ZNF536: variants seen among roughly 807,000 people sequenced by gnomAD.
ZNF536 encodes the protein zinc finger protein 536.
In ZNF536, 13 loss-of-function variants were observed where a neutral mutation model predicts 84.5. That is an observed-to-expected ratio of 0.15 (90% CI 0.10 to 0.24). The LOEUF (loss-of-function observed/expected upper bound fraction) is 0.24. Ranked by LOEUF, ZNF536 falls within the 10% of genes least tolerant of loss-of-function variation. The probability of loss-of-function intolerance (pLI) is 1.00; values close to 1 mark genes in which losing one functional copy is unlikely to be tolerated. For synonymous variants in ZNF536, 811 were observed against 742.5 expected (o/e 1.09, Z -1.50); for missense variants, 1,536 against 1,747.5 (o/e 0.88, Z 2.16).
intron 1 of ZNF536, among the ~76,000 whole-genome samples, chr19:30,405,935 A>G (rs1396901676): frequency 6.6e-6 from 1 of 151,930 alleles, no homozygotes; most frequent in Non-Finnish European, 1.5e-5. Context: ...CCGCCAACAC[A>G]CCCAGATAAT....
chr19:30,605,890 G>A (rs1276844931), intron 1 of ZNF536, among the ~76,000 whole-genome samples: 1 of 152,120 alleles, frequency 6.6e-6, no homozygotes, highest in Non-Finnish European at 1.5e-5. Context: ...GAGCCGTGCT[G>A]CTTCAGGTTT....
At chr19:30,366,072 G>A (rs575817921) in intron 3 of ZNF536, among the ~76,000 whole-genome samples, 1 of 152,016 alleles carries the variant, frequency 6.6e-6, no homozygotes, top group Non-Finnish European at 1.5e-5. Context: ...CACCCCCGCC[G>A]AACCCCTGAG....
chr19:30,447,436 T>C (rs1012853263), intron 2 of ZNF536, among the ~76,000 whole-genome samples: 5 of 152,234 alleles, frequency 3.3e-5, no homozygotes, highest in Non-Finnish European at 7.3e-5. Flanking sequence ...GAGATTCCGA[T>C]AGCACTTAAT....
chr19:30,461,239 G>T (rs1387098636), intron 2 of ZNF536, among the ~76,000 whole-genome samples: 3 of 152,300 alleles, frequency 2.0e-5, no homozygotes, highest in African/African-American at 7.2e-5. Context: ...GCTAGAAGTG[G>T]CAGAGCTGGC....
At chr19:30,309,756 A>G (rs944083981) in intron 2 of ZNF536, among the ~76,000 whole-genome samples, 5 of 152,222 alleles carry the variant, frequency 3.3e-5, no homozygotes, top group Admixed American at 3.3e-4. Flanking sequence ...CTTGGCTTAT[A>G]AGTTTATTAA....
chr19:30,226,441 C>G (rs2022618141), upstream of ZNF536, among the ~76,000 whole-genome samples: 1 of 151,630 alleles, frequency 6.6e-6, no homozygotes, highest in African/African-American at 2.4e-5. This position sits in a 1 kb window ranked among gnomAD's most constrained non-coding sequence, Gnocchi z 4.6. Flanking sequence ...TACAATGTGT[C>G]AAACTTGCGG....
chr19:30,507,383 T>G (rs2055219418), intron 2 of ZNF536, among the ~76,000 whole-genome samples: 1 of 151,096 alleles, frequency 6.6e-6, no homozygotes. Flanking sequence ...AACAAAAAAC[T>G]GGGAAACTTG....
intron 1 of ZNF536, among the ~76,000 whole-genome samples, chr19:30,605,491 T>A (rs768346460): frequency 2.0e-5 from 3 of 152,234 alleles, no homozygotes; most frequent in Non-Finnish European, 4.4e-5. Context: ...TCTAGCTCCA[T>A]CCAAATTGCT....
At chr19:30,225,655 C>G (rs2022571889), upstream of ZNF536, among the ~76,000 whole-genome samples, 1 of 143,078 alleles carries the variant, frequency 7.0e-6, no homozygotes, top group South Asian at 2.2e-4. Flanking sequence ...CTGACGCCCG[C>G]GTTTCAATGT....
chr19:30,316,005 T>TCATGTACCCATATGTTGTAC (rs1036841637), intron 2 of ZNF536, among the ~76,000 whole-genome samples: 8 of 152,212 alleles, frequency 5.3e-5, no homozygotes, highest in African/African-American at 1.9e-4. Flanking sequence ...TATGGCATAT[T>TCATGTACCCATATGTTGTAC]CATATTCATG....
chr19:30,669,808 AG>A (rs2050474257), intron 1 of ZNF536, among the ~76,000 whole-genome samples: 1 of 152,212 alleles, frequency 6.6e-6, no homozygotes, highest in Admixed American at 6.5e-5. Flanking sequence ...AAAGGAGAAA[AG>A]ACCTCAGGTT....
chr19:30,702,056 T>A (rs1416078217), intron 1 of ZNF536, among the ~76,000 whole-genome samples: 1 of 152,188 alleles, frequency 6.6e-6, no homozygotes, highest in African/African-American at 2.4e-5. Flanking sequence ...GGAAGCCCCA[T>A]AGACGCAGCC....
intron 1 of ZNF536, among the ~76,000 whole-genome samples, chr19:30,598,709 T>A (rs567680607): frequency 1.4e-4 from 21 of 152,232 alleles, no homozygotes; most frequent in African/African-American, 5.1e-4. Flanking sequence ...TTTTCTATGA[T>A]TCATTGTGAA....
intron 1 of ZNF536, among the ~76,000 whole-genome samples, chr19:30,383,127 G>T (rs4804928): frequency 0.98 from 149,058 of 152,232 alleles, 73,109 homozygotes; most frequent in Non-Finnish European, 0.99. Flanking sequence ...CAGTCTCTAC[G>T]AAATGTATAA....
chr19:30,326,154 A>G (rs1256665885), intron 2 of ZNF536, among the ~76,000 whole-genome samples: 2 of 152,248 alleles, frequency 1.3e-5, no homozygotes, highest in Non-Finnish European at 2.9e-5. Context: ...GCTCCAGGCA[A>G]GCAGGCAGAA....
downstream of ZNF536, among the ~76,000 whole-genome samples, chr19:30,559,442 C>T (rs911232925): frequency 4.6e-5 from 7 of 152,278 alleles, no homozygotes; most frequent in Middle Eastern, 3.4e-3. Context: ...TTTGCAATGT[C>T]CCCTGAGTCT....
chr19:30,597,905 A>ATTGTTGTTGTATGCATATAG (rs1464303595), intron 1 of ZNF536, among the ~76,000 whole-genome samples: 1 of 151,798 alleles, frequency 6.6e-6, no homozygotes, highest in Admixed American at 6.6e-5. Flanking sequence ...TTATTTTGAC[A>ATTGTTGTTGTATGCATATAG]TTGTTGTTGT....
At chr19:30,581,473 T>A (rs764373266) in intron 1 of ZNF536, among the ~76,000 whole-genome samples, 15 of 151,114 alleles carry the variant, frequency 9.9e-5, no homozygotes, top group Non-Finnish European at 2.1e-4. Context: ...CCAGGGTCCA[T>A]CTCAAAAAGA....
At chr19:30,496,856 G>A (rs772690791) in intron 2 of ZNF536, among the ~76,000 whole-genome samples, 1 of 152,088 alleles carries the variant, frequency 6.6e-6, no homozygotes, top group African/African-American at 2.4e-5. Flanking sequence ...GCTACGAGGG[G>A]CGAGGGGCAC....
Sources: gnomAD v4.1 joint callset for allele counts (sites outside exome capture counted in the v4.1 genomes callset) on GRCh38, gnomAD v4.1.1 for gene constraint, Gnocchi (gnomAD v3.1) non-coding constraint, MANE v1.5 for transcripts, NCBI Gene and HGNC (gene_info 2026-07-23, HGNC 2026-07-21) for gene names.